The following C16orf82 variants were observed in gnomAD, a reference collection of about 807,000 sequenced individuals.
C16orf82 encodes the protein protein TNT.
For synonymous variants in C16orf82, 82 were observed against 85.5 expected (o/e 0.96, Z 0.22); for missense variants, 176 against 206.1 (o/e 0.85, Z 0.89).
At position 27,067,704 on chromosome 16, in the gene C16orf82, G is replaced by C. The variant is rs1900417099; in HGVS notation, c.*244G>C. 5.5e-6 allele frequency: 2 copies of C among 364,844 alleles called. No homozygotes were observed. Among genetic ancestry groups the C allele is most frequent in the African/African-American group, 4.3e-5 (2 of 46,618 alleles). 22.6% of individuals were successfully genotyped at this position (364,844 alleles called of 1,614,324 possible). A position where few individuals can be genotyped will look rare whatever the true frequency, so the allele number is the denominator to read the frequency against. ...CGGGCGGCAACGTGAAAACCAGTGA[G>C]CAGGTCACCACGGGGGAGCAGCCTG... On this transcript the variant is annotated 3_prime_UTR_variant, in exon 1 of 1. Coordinates refer to ENST00000505035, the MANE Select transcript of C16orf82 (RefSeq NM_001145545.2).
At position 27,067,349 on chromosome 16, in the gene C16orf82, G is replaced by A. The variant is rs1715459674; in HGVS notation, c.354G>A (p.Gln118=). ...GGCTGAACAGAAGGCTCAACACCCA[G>A]GCGGCCAGTAACCAAACCAGCCAGC... is the stretch of plus-strand genomic sequence containing the variant. Residue 118 remains glutamine (Q), a synonymous_variant, in exon 1 of 1, where the codon CAG becomes CAA. Transcript: ENST00000505035. 2.0e-5 allele frequency: 27 copies of A among 1,345,382 alleles called. No individual in the cohort carries two copies. The highest frequency in any genetic ancestry group is 2.7e-5 in the Non-Finnish European group (27 of 1,011,770). The allele number at this position is 1,345,382 out of a possible 1,614,324, so 83.3% of individuals were successfully genotyped here.
rs1283153112 is a variant in C16orf82 at position 27,067,415 on chromosome 16, G to A, written c.420G>A (p.Leu140=). The A allele has an allele frequency of 4.7e-5, 63 of 1,331,192 alleles. No individual in the cohort carries two copies. The highest frequency in any genetic ancestry group is 6.0e-5 in the Non-Finnish European group (60 of 1,005,068). 82.5% of individuals were successfully genotyped at this position (1,331,192 alleles called of 1,614,324 possible). A position where few individuals can be genotyped will look rare whatever the true frequency, so the allele number is the denominator to read the frequency against. The stretch of plus-strand genomic sequence containing the variant: ...CTCCCAGCTCTCTAAAGAGCCGGCT[G>A]ACTGGCCCCGCCCACAGCACCAAGC... Residue 140 remains leucine, a synonymous_variant, in exon 1 of 1, where the codon CTG becomes CTA. Transcript: ENST00000505035.
At position 27,066,972 on chromosome 16, in the gene C16orf82, G is replaced by A; in HGVS notation, c.-24G>A. 1 of 1,359,864 alleles carries A rather than the reference G, an allele frequency of 7.4e-7. No homozygotes were observed. The highest frequency in any genetic ancestry group is 9.9e-7 in the Non-Finnish European group (1 of 1,014,964). 84.2% of individuals were successfully genotyped at this position (1,359,864 alleles called of 1,614,324 possible). A position where few individuals can be genotyped will look rare whatever the true frequency, so the allele number is the denominator to read the frequency against. ...CCAGAGAGGTCACAGCCAACATTCA[G>A]AGGCCTCCCAGGGCCCCCTCTCCCT... On this transcript the variant is annotated 5_prime_UTR_variant, in exon 1 of 1. Coordinates refer to ENST00000505035, the MANE Select transcript of C16orf82 (RefSeq NM_001145545.2).
At position 27,068,835 on chromosome 16, in the gene C16orf82, T is replaced by C. The variant is rs1047875643; in HGVS notation, c.*1375T>C. 6.0e-6 allele frequency: 1 copy of C among 166,832 alleles called. No homozygotes were observed. The highest frequency in any genetic ancestry group is 2.4e-5 in the African/African-American group (1 of 41,366). 10.3% of individuals were successfully genotyped at this position (166,832 alleles called of 1,614,324 possible). On this transcript the variant is annotated 3_prime_UTR_variant, in exon 1 of 1. Transcript: ENST00000505035. ...CAAGAAAGGAGGCCAGGAGCCATCC[T>C]GTGTTCAGATGGTTGAGACAGTGAC... is the stretch of plus-strand genomic sequence containing the variant.
chr16:27,067,708 G>C lies in C16orf82; in HGVS notation c.*248G>C. The C allele has an allele frequency of 2.8e-6, 1 of 360,874 alleles. No individual in the cohort carries two copies. The highest frequency in any genetic ancestry group is 2.2e-5 in the South Asian group (1 of 45,034). 22.4% of individuals were successfully genotyped at this position (360,874 alleles called of 1,614,324 possible). A position where few individuals can be genotyped will look rare whatever the true frequency, so the allele number is the denominator to read the frequency against. The stretch of plus-strand genomic sequence containing the variant: ...CGGCAACGTGAAAACCAGTGAGCAG[G>C]TCACCACGGGGGAGCAGCCTGCCCA... On this transcript the variant is annotated 3_prime_UTR_variant, in exon 1 of 1. Transcript: ENST00000505035.
In C16orf82 at chr16:27,067,151, G is replaced by T. The variant is rs774671313; in HGVS notation, c.156G>T (p.Glu52Asp). 1.7e-5 allele frequency: 23 copies of T among 1,366,576 alleles called. No homozygotes were observed. Among genetic ancestry groups the T allele is most frequent in the Middle Eastern group, 2.1e-4 (1 of 4,766 alleles). 84.7% of individuals were successfully genotyped at this position (1,366,576 alleles called of 1,614,324 possible). A position where few individuals can be genotyped will look rare whatever the true frequency, so the allele number is the denominator to read the frequency against. ...CACGCCATGCAGGAGTGGCTCAGGA[G>T]CCCCTGAAAGTGTCCAGCAGCTACC... Residue 52 changes from glutamate (E) to aspartate (D), a missense_variant, in exon 1 of 1, where the codon GAG (glutamate) becomes GAT (aspartate). By Grantham distance (45) the Glu-to-Asp change is conservative. Coordinates refer to ENST00000505035, the MANE Select transcript of C16orf82 (RefSeq NM_001145545.2).
At position 27,067,227 on chromosome 16, in the gene C16orf82, A is replaced by G. The variant is rs773186929; in HGVS notation, c.232A>G (p.Arg78Gly). ...TCATGTTTCCAGCGTGCAGCACCCG[A>G]GGCCAGAGGAGGGCAGCCATGCCAG... The change falls in exon 1 of 1, where the codon AGG becomes GGG. Residue 78 changes from arginine to glycine, a missense_variant. Arg to Gly is a moderately radical substitution (Grantham distance 125). Coordinates refer to ENST00000505035, the MANE Select transcript of C16orf82 (RefSeq NM_001145545.2). The G allele has an allele frequency of 9.5e-6, 13 of 1,366,264 alleles. No individual in the cohort carries two copies. The South Asian group carries it at 1.5e-4, about 16-fold the overall frequency. The allele number at this position is 1,366,264 out of a possible 1,614,324, so 84.6% of individuals were successfully genotyped here.
chr16:27,068,087 A>G lies in C16orf82; in HGVS notation c.*627A>G, dbSNP rs918870930. ...CACCTGTGTCAAAACAGCGAAGAGTAATGACATCGACTGTGAACTTCAGTG... is the reference window on the plus strand; with the variant it reads ...CACCTGTGTCAAAACAGCGAAGAGTGATGACATCGACTGTGAACTTCAGTG... On this transcript the variant is annotated 3_prime_UTR_variant, in exon 1 of 1. Transcript: ENST00000505035. The G allele has an allele frequency of 6.0e-6, 1 of 167,954 alleles. No homozygotes were observed. Among genetic ancestry groups the G allele is most frequent in the Non-Finnish European group, 1.4e-5 (1 of 69,032 alleles). 10.4% of individuals were successfully genotyped at this position (167,954 alleles called of 1,614,324 possible). A position where few individuals can be genotyped will look rare whatever the true frequency, so the allele number is the denominator to read the frequency against.
rs781616031 is a variant in C16orf82 at position 27,068,626 on chromosome 16, C to T, written c.*1166C>T. ...ACACAGGGACTAGGTCTAGTGAGAA[C>T]ATTAGAGGGCGGTGTAAATGGATCC... On this transcript the variant is annotated 3_prime_UTR_variant, in exon 1 of 1. Coordinates refer to ENST00000505035, the MANE Select transcript of C16orf82 (RefSeq NM_001145545.2). 1 of 166,986 alleles carries T rather than the reference C, an allele frequency of 6.0e-6. No individual in the cohort carries two copies. The highest frequency in any genetic ancestry group is 2.4e-5 in the African/African-American group (1 of 41,400). 10.3% of individuals were successfully genotyped at this position (166,986 alleles called of 1,614,324 possible).
In C16orf82 at chr16:27,068,113, A is replaced by T. The variant is rs1900425403; in HGVS notation, c.*653A>T. The stretch of plus-strand genomic sequence containing the variant: ...ATGACATCGACTGTGAACTTCAGTG[A>T]CAAGCCATCTATAACAAGATCCATC... On this transcript the variant is annotated 3_prime_UTR_variant, in exon 1 of 1. Coordinates refer to ENST00000505035, the MANE Select transcript of C16orf82 (RefSeq NM_001145545.2). 1 of 167,648 alleles carries T rather than the reference A, an allele frequency of 6.0e-6. No individual in the cohort carries two copies. Among genetic ancestry groups the T allele is most frequent in the Non-Finnish European group, 1.5e-5 (1 of 68,560 alleles). The allele number at this position is 167,648 out of a possible 1,614,324, so 10.4% of individuals were successfully genotyped here.
chr16:27,067,500 G>T lies in C16orf82; in HGVS notation c.*40G>T. 1 of 1,264,104 alleles carries T rather than the reference G, an allele frequency of 7.9e-7. No individual in the cohort carries two copies. The allele number at this position is 1,264,104 out of a possible 1,614,324, so 78.3% of individuals were successfully genotyped here. ...GCAGCGGCAGCGGCAGCAGCATCCTGTCCAGCGCCAGCTTCATCAGCTTGG... is the reference window on the plus strand; with the variant it reads ...GCAGCGGCAGCGGCAGCAGCATCCTTTCCAGCGCCAGCTTCATCAGCTTGG... On this transcript the variant is annotated 3_prime_UTR_variant, in exon 1 of 1. Coordinates refer to ENST00000505035, the MANE Select transcript of C16orf82 (RefSeq NM_001145545.2).
At position 27,068,573 on chromosome 16, in the gene C16orf82, A is replaced by C. The variant is rs1229082806; in HGVS notation, c.*1113A>C. The C allele has an allele frequency of 1.8e-5, 3 of 167,244 alleles. No homozygotes were observed. The highest frequency in any genetic ancestry group is 4.4e-5 in the Non-Finnish European group (3 of 68,206). The allele number at this position is 167,244 out of a possible 1,614,324, so 10.4% of individuals were successfully genotyped here. Reference sequence around the variant, plus strand: ...AAGTGACTGTCACCAGAGAAGGATCATCAGGAGCAGCCAGGGATGCCCCCG... The same window carrying C: ...AAGTGACTGTCACCAGAGAAGGATCCTCAGGAGCAGCCAGGGATGCCCCCG... On this transcript the variant is annotated 3_prime_UTR_variant, in exon 1 of 1. Transcript: ENST00000505035.
Position 27,068,192 on chromosome 16 carries a change from A to ATG in C16orf82, c.*732_*733insTG. The ATG allele has an allele frequency of 1.2e-5, 2 of 167,368 alleles. No individual in the cohort carries two copies. Among genetic ancestry groups the ATG allele is most frequent in the South Asian group, 4.2e-4 (2 of 4,808 alleles). 10.4% of individuals were successfully genotyped at this position (167,368 alleles called of 1,614,324 possible). ...ATCCTGGTGGGACCCCCTGTACCAA[A>ATG]ACTCATCAGTGGCGACAGATGTTCT... is the stretch of plus-strand genomic sequence containing the variant. On this transcript the variant is annotated 3_prime_UTR_variant, in exon 1 of 1. Transcript: ENST00000505035.
Position 27,067,555 on chromosome 16 carries a change from A to G in C16orf82, c.*95A>G. 1.1e-6 allele frequency: 1 copy of G among 947,720 alleles called. No homozygotes were observed. Among genetic ancestry groups the G allele is most frequent in the South Asian group, 1.7e-5 (1 of 60,598 alleles). 58.7% of individuals were successfully genotyped at this position (947,720 alleles called of 1,614,324 possible). A position where few individuals can be genotyped will look rare whatever the true frequency, so the allele number is the denominator to read the frequency against. On this transcript the variant is annotated 3_prime_UTR_variant, in exon 1 of 1. Transcript: ENST00000505035. ...CAGTGCCCTCACCTACAAGGTGAGCAGCGGGCTGCTGACTTCCACAGCCAG... is the reference window on the plus strand; with the variant it reads ...CAGTGCCCTCACCTACAAGGTGAGCGGCGGGCTGCTGACTTCCACAGCCAG...
At position 27,068,712 on chromosome 16, in the gene C16orf82, C is replaced by A. The variant is rs1384690274; in HGVS notation, c.*1252C>A. 1.8e-5 allele frequency: 3 copies of A among 163,586 alleles called. No individual in the cohort carries two copies. Among genetic ancestry groups the A allele is most frequent in the African/African-American group, 7.4e-5 (3 of 40,316 alleles). 10.1% of individuals were successfully genotyped at this position (163,586 alleles called of 1,614,324 possible). The stretch of plus-strand genomic sequence containing the variant: ...AGGCACCATCCCAGAGAGCTCCAAG[C>A]GTCCTTTTTTTTTTTTTTTTCCTTT... On this transcript the variant is annotated 3_prime_UTR_variant, in exon 1 of 1. Transcript: ENST00000505035.
chr16:27,067,949 A>T lies in C16orf82; in HGVS notation c.*489A>T, dbSNP rs557501628. 235 of 216,872 alleles carry T rather than the reference A, an allele frequency of 1.1e-3. No homozygotes were observed. Among genetic ancestry groups the T allele is most frequent in the Non-Finnish European group, 1.6e-3 (159 of 99,010 alleles). 13.4% of individuals were successfully genotyped at this position (216,872 alleles called of 1,614,324 possible). On this transcript the variant is annotated 3_prime_UTR_variant, in exon 1 of 1. Transcript: ENST00000505035. ...GGGCAGGCCACATGTAGCAGGAAGG[A>T]TCTATGCTGAGCACCGCCTATCCTG... is the stretch of plus-strand genomic sequence containing the variant.
At position 27,067,836 on chromosome 16, in the gene C16orf82, A is replaced by G. The variant is rs1388334562; in HGVS notation, c.*376A>G. 1 of 261,006 alleles carries G rather than the reference A, an allele frequency of 3.8e-6. No individual in the cohort carries two copies. The highest frequency in any genetic ancestry group is 1.1e-4 in the East Asian group (1 of 9,498). The allele number at this position is 261,006 out of a possible 1,614,324, so 16.2% of individuals were successfully genotyped here. On this transcript the variant is annotated 3_prime_UTR_variant, in exon 1 of 1. Transcript: ENST00000505035. ...GGCTGCACCCAGAGTGGATATTCCCAAAACAAGTAGGAAAGGTGTTTTCAA... is the reference window on the plus strand; with the variant it reads ...GGCTGCACCCAGAGTGGATATTCCCGAAACAAGTAGGAAAGGTGTTTTCAA...
chr16:27,066,954 G>C lies in C16orf82; in HGVS notation c.-42G>C. The C allele has an allele frequency of 1.5e-6, 2 of 1,317,080 alleles. No homozygotes were observed. Among genetic ancestry groups the C allele is most frequent in the Non-Finnish European group, 2.0e-6 (2 of 976,452 alleles). 81.6% of individuals were successfully genotyped at this position (1,317,080 alleles called of 1,614,324 possible). A position where few individuals can be genotyped will look rare whatever the true frequency, so the allele number is the denominator to read the frequency against. On this transcript the variant is annotated 5_prime_UTR_variant, in exon 1 of 1. Coordinates refer to ENST00000505035, the MANE Select transcript of C16orf82 (RefSeq NM_001145545.2). ...ATACGGAGTCACCTCTCCCCAGAGA[G>C]GTCACAGCCAACATTCAGAGGCCTC...
rs1424124351 is a variant in C16orf82 at position 27,067,225 on chromosome 16, CGAGGCCAGAG to C, written c.235_244del (p.Pro79AlafsTer6). The C allele has an allele frequency of 1.5e-6, 2 of 1,366,158 alleles. No individual in the cohort carries two copies. The highest frequency in any genetic ancestry group is 2.9e-5 in the African/African-American group (2 of 67,798). The allele number at this position is 1,366,158 out of a possible 1,614,324, so 84.6% of individuals were successfully genotyped here. A position where few individuals can be genotyped will look rare whatever the true frequency, so the allele number is the denominator to read the frequency against. On this transcript the variant is annotated frameshift_variant, in exon 1 of 1. Transcript: ENST00000505035. LOFTEE classifies it low-confidence loss of function (END_TRUNC). Reference sequence around the variant, plus strand: ...AGTCATGTTTCCAGCGTGCAGCACCCGAGGCCAGAGGAGGGCAGCCATGCCAGCCTGAGCA... The same window carrying C: ...AGTCATGTTTCCAGCGTGCAGCACCCGAGGGCAGCCATGCCAGCCTGAGCA...
Sources: allele counts gnomAD v4.1 joint callset, GRCh38; gene constraint gnomAD v4.1.1; transcripts MANE v1.5; gene names NCBI Gene and HGNC (gene_info 2026-07-23, HGNC 2026-07-21).